The following POU2AF1 variants were observed in gnomAD, a reference collection of about 807,000 sequenced individuals.
POU2AF1 encodes POU class 2 homeobox associating factor 1, also known as POU domain class 2-associating factor 1.
In POU2AF1, 12 loss-of-function variants were observed where a neutral mutation model predicts 26.3. The ratio of observed to expected loss-of-function variants is 0.46; its 90% CI spans 0.29 to 0.74. POU2AF1 has a LOEUF of 0.74. Ranked by LOEUF, POU2AF1 falls within the 30% of genes least tolerant of loss-of-function variation. The probability of loss-of-function intolerance (pLI) is 0.09; values close to 1 mark genes in which losing one functional copy is unlikely to be tolerated. For synonymous variants in POU2AF1, 175 were observed against 148.0 expected (o/e 1.18, Z -1.32); for missense variants, 297 against 334.5 (o/e 0.89, Z 0.87).
intron 4 of POU2AF1, among the ~76,000 whole-genome samples, chr11:111,356,733 A>G (rs1860853174): frequency 6.6e-6 from 1 of 152,198 alleles, no homozygotes; most frequent in East Asian, 1.9e-4. Flanking sequence ...ATGATAACTA[A>G]CATATATTAG....
intron 1 of POU2AF1, among the ~76,000 whole-genome samples, chr11:111,359,712 C>A (rs569369822): frequency 9.8e-5 from 15 of 152,294 alleles, no homozygotes; most frequent in African/African-American, 3.4e-4. Flanking sequence ...AATAGTTATT[C>A]TTTTTGATGG....
At chr11:111,375,465 C>T (rs1233816295) in intron 1 of POU2AF1, among the ~76,000 whole-genome samples, 2 of 132,528 alleles carry the variant, frequency 1.5e-5, no homozygotes, top group Admixed American at 9.1e-5. Flanking sequence ...GGCACGATCT[C>T]GGCTCACTGT....
rs751438939 is a variant in POU2AF1 at position 111,357,478 on chromosome 11, G to A, written c.423C>T (p.Thr141=). The A allele has an allele frequency of 2.5e-6, 4 of 1,614,030 alleles. No homozygotes were observed. Among genetic ancestry groups the A allele is most frequent in the Non-Finnish European group, 3.4e-6 (4 of 1,180,018 alleles). The change falls in exon 4 of 5, where the codon ACC becomes ACT. Residue 141 remains threonine (T), a synonymous_variant. Transcript: ENST00000393067. The part of the protein sequence containing the change: ...YTVVGPSSVL[T]YASPPLITNV... ...TGGTGATGAGTGGCGGAGAGGCATA[G>A]GTCAACACTGAGGAGGGCCCCACCA... is the stretch of plus-strand genomic sequence containing the variant.
At chr11:111,371,979 A>G (rs905909880) in intron 1 of POU2AF1, among the ~76,000 whole-genome samples, 11 of 151,648 alleles carry the variant, frequency 7.3e-5, no homozygotes, top group African/African-American at 2.4e-4. Flanking sequence ...TCAAAGTTAA[A>G]CCCTACTCTC....
chr11:111,359,022 T>C (rs1860953138), intron 1 of POU2AF1, 104 bp from the exon 2 acceptor site: 1 of 1,490,418 alleles, frequency 6.7e-7, no homozygotes, highest in Admixed American at 2.2e-5. Flanking sequence ...AAGTCGTGCT[T>C]GAACACGGAG....
At chr11:111,378,959 G>C (rs530493850) in intron 1 of POU2AF1, among the ~76,000 whole-genome samples, 1 of 152,214 alleles carries the variant, frequency 6.6e-6, no homozygotes, top group Non-Finnish European at 1.5e-5. Context: ...TGGAAAATCA[G>C]CATCACCTCT....
intron 1 of POU2AF1, among the ~76,000 whole-genome samples, chr11:111,378,021 T>A (rs1419029234): frequency 6.6e-6 from 1 of 152,230 alleles, no homozygotes; most frequent in African/African-American, 2.4e-5. Flanking sequence ...AATTTTGAAA[T>A]CACTCTTCTG....
intron 4 of POU2AF1, among the ~76,000 whole-genome samples, chr11:111,356,626 T>C (rs541959444): frequency 1.3e-5 from 2 of 152,342 alleles, no homozygotes; most frequent in African/African-American, 4.8e-5. Context: ...CAGGAATCAT[T>C]AACATAAATC....
rs748351015 is a variant in POU2AF1 at position 111,357,796 on chromosome 11, C to G, written c.189G>C (p.Val63=). 1.2e-6 allele frequency: 2 copies of G among 1,613,210 alleles called. No individual in the cohort carries two copies. The highest frequency in any genetic ancestry group is 1.7e-6 in the Non-Finnish European group (2 of 1,179,692). ...PHQPLATYTT[V]GPSCLDMEGS... ...ACCAGGGCTACGGGGCACTCTTACC[C>G]ACTGTGGTGTAGGTCGCCAGGGGCT... The change falls in exon 3 of 5, where the codon GTG becomes GTC. Residue 63 remains valine, a splice_region_variant and synonymous_variant. Transcript: ENST00000393067.
At position 111,377,398 on chromosome 11, in the gene POU2AF1, C is replaced by A. The variant is rs114413398; in HGVS notation, c.16+1764G>T. 8.6e-3 allele frequency among the ~76,000 whole-genome samples: 1,308 copies of A among 151,776 alleles called. 22 individuals are homozygous for A. The highest frequency in any genetic ancestry group is 0.029 in the African/African-American group (1,199 of 41,380). Reference sequence around the variant, plus strand: ...CTGTCTCAAAAAACAAACAAACAAACAAAAAAAGTCTGTTCATCTCTTAGA... The same window carrying A: ...CTGTCTCAAAAAACAAACAAACAAAAAAAAAAAGTCTGTTCATCTCTTAGA... On this transcript the variant is annotated intron_variant, in intron 1 of 4. Coordinates refer to ENST00000393067, the MANE Select transcript of POU2AF1 (RefSeq NM_006235.3).
At chr11:111,366,094 T>C (rs1861100221) in intron 1 of POU2AF1, among the ~76,000 whole-genome samples, 1 of 152,178 alleles carries the variant, frequency 6.6e-6, no homozygotes. Context: ...AAGAAAGAAG[T>C]TGGGTTTTGG....
chr11:111,353,988 A>G lies in POU2AF1; in HGVS notation c.*273T>C. ...GGAAGGGGTTGGAAAGGGAGAAGGGAAGGAGGGAAGGAAGGGAGGGAGGAA... is the reference window on the plus strand; with the variant it reads ...GGAAGGGGTTGGAAAGGGAGAAGGGGAGGAGGGAAGGAAGGGAGGGAGGAA... On this transcript the variant is annotated 3_prime_UTR_variant, in exon 5 of 5. Coordinates refer to ENST00000393067, the MANE Select transcript of POU2AF1 (RefSeq NM_006235.3). The G allele has an allele frequency of 2.7e-6, 1 of 365,266 alleles. No homozygotes were observed. The highest frequency in any genetic ancestry group is 4.9e-6 in the Non-Finnish European group (1 of 205,744). The allele number at this position is 365,266 out of a possible 1,614,324, so 22.6% of individuals were successfully genotyped here.
chr11:111,357,649 A>G lies in POU2AF1; in HGVS notation c.252T>C (p.Cys84=), dbSNP rs754068815. The G allele has an allele frequency of 1.2e-6, 2 of 1,613,610 alleles. No individual in the cohort carries two copies. The highest frequency in any genetic ancestry group is 3.3e-5 in the Admixed American group (2 of 59,972). Reference sequence around the variant, plus strand: ...GGGTGGGCTGGGAGAGCCAGCCGGCACACAGGGCAGCCTCCTCTGTCACTG... The same window carrying G: ...GGGTGGGCTGGGAGAGCCAGCCGGCGCACAGGGCAGCCTCCTCTGTCACTG... The part of the protein sequence containing the change: ...VSAVTEEAAL[C]AGWLSQPTPA... The change falls in exon 4 of 5, where the codon TGT becomes TGC. Residue 84 remains cysteine (C), a synonymous_variant. Transcript: ENST00000393067.
At chr11:111,370,625 G>T (rs758777917) in intron 1 of POU2AF1, among the ~76,000 whole-genome samples, 1 of 152,114 alleles carries the variant, frequency 6.6e-6, no homozygotes, top group Non-Finnish European at 1.5e-5. Context: ...AAAACCGCAC[G>T]ATTTTTATTC....
intron 2 of POU2AF1, among the ~76,000 whole-genome samples, chr11:111,358,434 ACTCACTCT>A (rs1860914707): frequency 1.5e-5 from 1 of 65,064 alleles, no homozygotes; most frequent in Admixed American, 2.1e-4. Flanking sequence ...ACACTCTCAC[ACTCACTCT>A]CACACACACA....
intron 1 of POU2AF1, among the ~76,000 whole-genome samples, chr11:111,376,212 G>A (rs1861308136): frequency 6.6e-6 from 1 of 152,156 alleles, no homozygotes; most frequent in South Asian, 2.1e-4. Context: ...AAAACCTTGG[G>A]AGGCAGACAT....
chr11:111,355,376 T>C (rs1860823240), intron 4 of POU2AF1, among the ~76,000 whole-genome samples: 1 of 152,178 alleles, frequency 6.6e-6, no homozygotes, highest in Non-Finnish European at 1.5e-5. Flanking sequence ...AAACCTCAGA[T>C]CAGGCCTGCA....
chr11:111,365,533 C>A (rs888550649), intron 1 of POU2AF1, among the ~76,000 whole-genome samples: 1 of 152,016 alleles, frequency 6.6e-6, no homozygotes, highest in Non-Finnish European at 1.5e-5. Context: ...GGAAAAAAAA[C>A]CCCACTGAGA....
chr11:111,366,796 C>T (rs1005709048), intron 1 of POU2AF1, among the ~76,000 whole-genome samples: 12 of 152,070 alleles, frequency 7.9e-5, no homozygotes, highest in Non-Finnish European at 1.6e-4. Flanking sequence ...GTTTTTCAGT[C>T]TTAGAGCCAC....
Sources: allele counts gnomAD v4.1 joint callset (sites outside exome capture counted in the v4.1 genomes callset), GRCh38; gene constraint gnomAD v4.1.1; transcripts MANE v1.5; gene names NCBI Gene and HGNC (gene_info 2026-07-23, HGNC 2026-07-21).